The following HIRA variants were observed in gnomAD, a reference collection of about 807,000 sequenced individuals.
HIRA encodes histone cell cycle regulator.
Under a neutral mutation model 126.6 loss-of-function variants are expected in HIRA, and 13 were observed. The ratio of observed to expected loss-of-function variants is 0.10; its 90% CI spans 0.07 to 0.16. HIRA has a LOEUF of 0.16. HIRA is among the 10% of genes least tolerant of loss of function. The probability of loss-of-function intolerance (pLI) is 1.00; values close to 1 mark genes in which losing one functional copy is unlikely to be tolerated. For missense variants in HIRA, 834 were observed against 1,314.4 expected, an observed-to-expected ratio of 0.63 and a Z score of 5.65; for synonymous variants, 511 against 520.0, an observed-to-expected ratio of 0.98 and a Z score of 0.24.
At chr22:19,371,857 G>C (rs1024659133) in intron 15 of HIRA, among the ~76,000 whole-genome samples, 6 of 152,066 alleles carry the variant, frequency 3.9e-5, no homozygotes, top group African/African-American at 1.2e-4. Context: ...ACCATATTTT[G>C]TTTATTCATC....
chr22:19,431,414 C>T (rs2146266461), intron 1 of HIRA, 26 bp downstream of exon 1: 2 of 1,607,430 alleles, frequency 1.2e-6, no homozygotes, highest in East Asian at 2.2e-5. Context: ...CGGGCTCGGC[C>T]TCCCGCGACC....
chr22:19,347,964 C>A (rs1361467786), intron 24 of HIRA, among the ~76,000 whole-genome samples: 2 of 151,988 alleles, frequency 1.3e-5, no homozygotes, highest in African/African-American at 4.8e-5. Flanking sequence ...AACAAACAAA[C>A]AACTTGAGGG....
intron 8 of HIRA, among the ~76,000 whole-genome samples, chr22:19,393,148 C>T (rs2089196184): frequency 1.3e-5 from 2 of 152,088 alleles, no homozygotes; most frequent in South Asian, 4.2e-4. Context: ...GTCGTGATCT[C>T]CCAGAGCTGC....
rs1180432743 is a variant in HIRA at position 19,417,414 on chromosome 22, G to T, written c.38-6636C>A. Reference sequence around the variant, plus strand: ...TAAGGTGGGTGGATCAAGAGGTCAAGAGATCAAGACCATCCTGGCCAACAT... The same window carrying T: ...TAAGGTGGGTGGATCAAGAGGTCAATAGATCAAGACCATCCTGGCCAACAT... On this transcript the variant is annotated intron_variant, in intron 1 of 24. Coordinates refer to ENST00000263208, the MANE Select transcript of HIRA (RefSeq NM_003325.4). 2.0e-5 allele frequency among the ~76,000 whole-genome samples: 3 copies of T among 152,036 alleles called. No homozygotes were observed. In the East Asian group the frequency reaches 5.8e-4, roughly 30 times the overall value.
At chr22:19,396,009 G>C (rs764125437) in intron 7 of HIRA, among the ~76,000 whole-genome samples, 2 of 152,110 alleles carry the variant, frequency 1.3e-5, no homozygotes, top group Non-Finnish European at 2.9e-5. Context: ...CTCCAGCCAG[G>C]AAAAAAGGCC....
chr22:19,391,005 T>C (rs991167617), intron 9 of HIRA, among the ~76,000 whole-genome samples: 3 of 152,030 alleles, frequency 2.0e-5, no homozygotes, highest in African/African-American at 7.3e-5. Context: ...TATGTACTCA[T>C]AAATGAAAAC....
At chr22:19,344,697 A>G (rs1556008413) in intron 24 of HIRA, among the ~76,000 whole-genome samples, 1 of 152,198 alleles carries the variant, frequency 6.6e-6, no homozygotes, top group African/African-American at 2.4e-5. Flanking sequence ...CTATTAGATC[A>G]ATATCCTTTG....
chr22:19,392,291 T>G (rs758638338), intron 8 of HIRA, 77 bp from the exon 9 acceptor site: 43 of 808,044 alleles, frequency 5.3e-5, no homozygotes, highest in Non-Finnish European at 7.9e-5. Context: ...CCCAGCCCAC[T>G]GAAGGGAGTC....
chr22:19,391,771 C>T lies in HIRA; in HGVS notation c.936+330G>A, dbSNP rs561819527. On this transcript the variant is annotated intron_variant, in intron 9 of 24. Coordinates refer to ENST00000263208, the MANE Select transcript of HIRA (RefSeq NM_003325.4). ...CTGGGATTACAGGCGTGAGCCACCG[C>T]GCCCAGCCATATAAAGATTTTTCTA... Among the ~76,000 whole-genome samples the T allele has an allele frequency of 9.2e-5, 14 of 152,290 alleles. No individual in the cohort carries two copies. In the East Asian group the frequency reaches 1.7e-3, roughly 19 times the overall value.
intron 1 of HIRA, among the ~76,000 whole-genome samples, chr22:19,411,772 A>C (rs1166462158): frequency 6.6e-6 from 1 of 152,120 alleles, no homozygotes; most frequent in African/African-American, 2.4e-5. Context: ...GGCAATGTGG[A>C]CACAGTACCA....
chr22:19,353,530 C>A lies in HIRA; in HGVS notation c.2685-11G>T. The A allele has an allele frequency of 1.3e-6, 2 of 1,591,912 alleles. No homozygotes were observed. Among genetic ancestry groups the A allele is most frequent in the South Asian group, 1.1e-5 (1 of 88,102 alleles). On this transcript the variant is annotated splice_polypyrimidine_tract_variant and intron_variant, in intron 22 of 24. Transcript: ENST00000263208. ...GCCTGCCTTCCCGAGCTGCAGAGAC[C>A]AGGAGAGTTTCCATGATGGGGCAGC...
rs143348170 is a variant in HIRA at position 19,388,360 on chromosome 22, C to T, written c.1007+124G>A. On this transcript the variant is annotated intron_variant, in intron 10 of 24. Transcript: ENST00000263208. The stretch of plus-strand genomic sequence containing the variant: ...ACGTGCAAACAGCACTCTTGGTCTG[C>T]GCTACTATGACACCTGGGGAGGGGC... 3.2e-3 allele frequency: 2,282 copies of T among 706,688 alleles called. 12 individuals carry two copies. Among genetic ancestry groups the T allele is most frequent in the Non-Finnish European group, 5.0e-3 (1,963 of 393,592 alleles). 43.8% of individuals were successfully genotyped at this position (706,688 alleles called of 1,614,324 possible).
At position 19,342,794 on chromosome 22, in the gene HIRA, T is replaced by A. The variant is rs111355776; in HGVS notation, c.2937+8564A>T. ...AGTCATTATGTGAACAATACACTTG[T>A]ACACACGTTTATAGCAGCACCATTT... On this transcript the variant is annotated intron_variant, in intron 24 of 24. Coordinates refer to ENST00000263208, the MANE Select transcript of HIRA (RefSeq NM_003325.4). 1.5e-3 allele frequency among the ~76,000 whole-genome samples: 228 copies of A among 152,316 alleles called. 2 individuals are homozygous for A. The highest frequency in any genetic ancestry group is 5.3e-3 in the African/African-American group (221 of 41,584).
At position 19,408,684 on chromosome 22, in the gene HIRA, A is replaced by G. The variant is rs1271029095; in HGVS notation, c.101-91T>C. The stretch of plus-strand genomic sequence containing the variant: ...TCAAATTAAATTAGGAGAAGTCCTC[A>G]CTTAGCTTCCATAAACAATAATTAA... On this transcript the variant is annotated intron_variant, in intron 2 of 24. Transcript: ENST00000263208. 1.4e-5 allele frequency: 10 copies of G among 709,018 alleles called. No homozygotes were observed. The East Asian group carries it at 2.4e-4, about 17-fold the overall frequency. 43.9% of individuals were successfully genotyped at this position (709,018 alleles called of 1,614,324 possible).
intron 24 of HIRA, among the ~76,000 whole-genome samples, chr22:19,342,016 C>T (rs1193277126): frequency 2.0e-5 from 3 of 152,186 alleles, no homozygotes; most frequent in Non-Finnish European, 4.4e-5. Context: ...AAACAGACAA[C>T]CCACAGAGTG....
chr22:19,345,801 G>C (rs545685056), intron 24 of HIRA, among the ~76,000 whole-genome samples: 2 of 152,300 alleles, frequency 1.3e-5, no homozygotes, highest in East Asian at 3.9e-4. Flanking sequence ...GCTGGAGCCA[G>C]AACAAAGCCC....
At position 19,420,470 on chromosome 22, in the gene HIRA, A is replaced by AAAC. The variant is rs796804798; in HGVS notation, c.38-9693_38-9692insGTT. On this transcript the variant is annotated intron_variant, in intron 1 of 24. Transcript: ENST00000263208. ...AACAAAAAAAACTGTCTCAAAAAAA[A>AAAC]AAAAAAAAAAACCAAACCAAAACAA... 6.4e-4 allele frequency among the ~76,000 whole-genome samples: 83 copies of AAAC among 130,486 alleles called. 1 individual carries two copies. The highest frequency in any genetic ancestry group is 2.2e-3 in the African/African-American group (81 of 37,588). 85.6% of individuals were successfully genotyped at this position (130,486 alleles called of 152,430 possible). A position where few individuals can be genotyped will look rare whatever the true frequency, so the allele number is the denominator to read the frequency against.
rs563183744 is a variant in HIRA, at chr22:19,412,492, A to G, written c.38-1714T>C. 2.6e-5 allele frequency among the ~76,000 whole-genome samples: 4 copies of G among 152,384 alleles called. No homozygotes were observed. In the South Asian group the frequency reaches 8.3e-4, roughly 32 times the overall value. On this transcript the variant is annotated intron_variant, in intron 1 of 24. Coordinates refer to ENST00000263208, the MANE Select transcript of HIRA (RefSeq NM_003325.4). ...GCCAATTCATTTGCTTTTCTGCTTA[A>G]GCCAGCTTGAGCTGGGCATTTGTCA... is the stretch of plus-strand genomic sequence containing the variant.
intron 15 of HIRA, among the ~76,000 whole-genome samples, chr22:19,374,210 A>G (rs1322838269): frequency 6.6e-6 from 1 of 151,960 alleles, no homozygotes; most frequent in Non-Finnish European, 1.5e-5. Context: ...GGCAGGCGCC[A>G]GTAATCCCAG....
Sources: allele counts gnomAD v4.1 joint callset (sites outside exome capture counted in the v4.1 genomes callset), GRCh38; gene constraint gnomAD v4.1.1; transcripts MANE v1.5; gene names NCBI Gene and HGNC (gene_info 2026-07-23, HGNC 2026-07-21).